Variants in TCERG1L observed in about 807,000 individuals in gnomAD.
TCERG1L encodes transcription elongation regulator 1 like.
TCERG1L carries 37 observed loss-of-function variants against 56.3 expected under a neutral mutation model. The observed-to-expected ratio is 0.66, with a 90% CI of 0.51 to 0.87. TCERG1L has a LOEUF of 0.87. Ranked by LOEUF, TCERG1L falls within the 40% of genes least tolerant of loss-of-function variation. The pLI is 0.00. For synonymous variants in TCERG1L, 324 were observed against 326.3 expected, an observed-to-expected ratio of 0.99 and a Z score of 0.08; for missense variants, 799 against 774.2, an observed-to-expected ratio of 1.03 and a Z score of -0.38.
At chr10:131,152,610 C>A (rs1845877820) in intron 6 of TCERG1L, among the ~76,000 whole-genome samples, 1 of 152,232 alleles carries the variant, frequency 6.6e-6, no homozygotes, top group South Asian at 2.1e-4. Flanking sequence ...CTGTTCCAAC[C>A]TCTTCTGCTA....
rs1845414646 is a variant in TCERG1L, at chr10:131,111,659, T to C, written c.1395+5140A>G. Among the ~76,000 whole-genome samples, 4 of 142,774 alleles carry C rather than the reference T, an allele frequency of 2.8e-5. 1 individual carries two copies. 93.7% of individuals were successfully genotyped at this position (142,774 alleles called of 152,430 possible). On this transcript the variant is annotated intron_variant, in intron 9 of 11. Transcript: ENST00000368642. ...CCTTTGAAATACGGTCACGATTTCC[T>C]CGCACAGCCTGACCTTCCCCTCGTC...
At chr10:131,186,777 C>G (rs1247389671) in intron 4 of TCERG1L, among the ~76,000 whole-genome samples, 4 of 152,192 alleles carry the variant, frequency 2.6e-5, no homozygotes, top group African/African-American at 4.8e-5. Context: ...TCCACACCAC[C>G]AAGCTGCCCC....
At position 131,113,448 on chromosome 10, in the gene TCERG1L, C is replaced by T. The variant is rs762238338; in HGVS notation, c.1395+3351G>A. On this transcript the variant is annotated intron_variant, in intron 9 of 11. Coordinates refer to ENST00000368642, the MANE Select transcript of TCERG1L (RefSeq NM_174937.4). The stretch of plus-strand genomic sequence containing the variant: ...GGAAGGGCACCAGATGTTACTCATC[C>T]GGGGAGACGGACAGGGCAAGGCTGC... 4.9e-5 allele frequency among the ~76,000 whole-genome samples: 7 copies of T among 142,046 alleles called. 1 individual carries two copies. The highest frequency in any genetic ancestry group is 7.9e-5 in the Non-Finnish European group (5 of 63,142). 93.2% of individuals were successfully genotyped at this position (142,046 alleles called of 152,430 possible).
At chr10:131,251,358 C>T (rs1412836886) in intron 4 of TCERG1L, among the ~76,000 whole-genome samples, 3 of 151,290 alleles carry the variant, frequency 2.0e-5, no homozygotes, top group Non-Finnish European at 4.4e-5. Context: ...CCCTCTGCTG[C>T]TTCCTTCATT....
chr10:131,224,906 A>G (rs984387991), intron 4 of TCERG1L, among the ~76,000 whole-genome samples: 1 of 152,240 alleles, frequency 6.6e-6, no homozygotes, highest in Non-Finnish European at 1.5e-5. Flanking sequence ...GAATGGAATA[A>G]TAAGTAGAAT....
intron 4 of TCERG1L, among the ~76,000 whole-genome samples, chr10:131,240,993 C>T (rs1056872632): frequency 6.6e-5 from 10 of 152,298 alleles, no homozygotes; most frequent in Admixed American, 2.6e-4. Context: ...CCTCCTTCAC[C>T]GGGAAAGCAC....
chr10:131,239,894 G>A (rs529832687), intron 4 of TCERG1L, among the ~76,000 whole-genome samples: 4 of 152,296 alleles, frequency 2.6e-5, no homozygotes, highest in South Asian at 2.1e-4. Context: ...GAAAGGGTGC[G>A]GTGTCTTCCT....
chr10:131,135,345 G>A (rs1365869031), intron 7 of TCERG1L, among the ~76,000 whole-genome samples: 1 of 152,156 alleles, frequency 6.6e-6, no homozygotes, highest in East Asian at 1.9e-4. Flanking sequence ...CGCTGAGCCT[G>A]CACCTCCTTC....
intron 3 of TCERG1L, among the ~76,000 whole-genome samples, chr10:131,305,887 T>C (rs1481345707): frequency 6.6e-6 from 1 of 152,002 alleles, no homozygotes; most frequent in South Asian, 2.1e-4. Flanking sequence ...AGTACATGCA[T>C]ATATTTGTAA....
At chr10:131,134,077 C>T (rs1278229508) in intron 8 of TCERG1L, among the ~76,000 whole-genome samples, 1 of 152,156 alleles carries the variant, frequency 6.6e-6, no homozygotes, top group Non-Finnish European at 1.5e-5. Flanking sequence ...ATGCACCTGG[C>T]CCCCATGACC....
intron 6 of TCERG1L, among the ~76,000 whole-genome samples, chr10:131,153,903 A>G (rs1845892601): frequency 6.6e-6 from 1 of 152,150 alleles, no homozygotes; most frequent in Non-Finnish European, 1.5e-5. Context: ...GGGGAAATGC[A>G]TGGAGTTGAA....
intron 3 of TCERG1L, among the ~76,000 whole-genome samples, chr10:131,276,182 G>A (rs972085312): frequency 6.6e-6 from 1 of 152,204 alleles, no homozygotes; most frequent in African/African-American, 2.4e-5. Flanking sequence ...GGGTCCTCCT[G>A]ATATGGGGTT....
intron 4 of TCERG1L, among the ~76,000 whole-genome samples, chr10:131,233,732 A>G (rs1845878497): frequency 6.6e-6 from 1 of 152,224 alleles, no homozygotes; most frequent in Admixed American, 6.5e-5. Flanking sequence ...GAAGTTACTT[A>G]ACTCCTGCTA....
intron 4 of TCERG1L, among the ~76,000 whole-genome samples, chr10:131,178,378 A>G (rs1845132185): frequency 6.6e-6 from 1 of 152,102 alleles, no homozygotes; most frequent in Non-Finnish European, 1.5e-5. Context: ...CTCTCAGCTG[A>G]GCTGTGACAA....
chr10:131,095,568 A>C (rs1327173378), intron 11 of TCERG1L: 4 of 152,246 alleles, frequency 2.6e-5, no homozygotes, highest in African/African-American at 9.6e-5. Flanking sequence ...ACAGAAAAGT[A>C]TACAGAAGAT....
chr10:131,129,208 G>GAAA (rs60210826), intron 8 of TCERG1L, among the ~76,000 whole-genome samples: 2 of 149,582 alleles, frequency 1.3e-5, no homozygotes, highest in Non-Finnish European at 1.5e-5. Flanking sequence ...CCTCTAAGAG[G>GAAA]AAAAAAAAAA....
At chr10:131,152,637 C>T (rs952530208) in intron 6 of TCERG1L, among the ~76,000 whole-genome samples, 1 of 152,222 alleles carries the variant, frequency 6.6e-6, no homozygotes, top group African/African-American at 2.4e-5. Context: ...TCCAAAGTTG[C>T]TTCCACATTT....
rs116911949 is a variant in TCERG1L at position 131,225,269 on chromosome 10, C to T, written c.856+34990G>A. On this transcript the variant is annotated intron_variant, in intron 4 of 11. Transcript: ENST00000368642. ...ATGGGCCCTACAAACCAGACATCAA[C>T]ATCCAATTGCTAAGTCCAGAGAAGA... is the stretch of plus-strand genomic sequence containing the variant. Among the ~76,000 whole-genome samples, 1,426 of 152,294 alleles carry T rather than the reference C, an allele frequency of 9.4e-3. 30 individuals are homozygous for T. Among genetic ancestry groups the T allele is most frequent in the East Asian group, 0.076 (391 of 5,168 alleles).
At chr10:131,205,673 G>A (rs1845514296) in intron 4 of TCERG1L, among the ~76,000 whole-genome samples, 2 of 152,328 alleles carry the variant, frequency 1.3e-5, no homozygotes, top group East Asian at 3.9e-4. Context: ...GGGCCACCCT[G>A]GCATCTCTGA....
Sources: gnomAD v4.1 joint callset for allele counts (sites outside exome capture counted in the v4.1 genomes callset) on GRCh38, gnomAD v4.1.1 for gene constraint, MANE v1.5 for transcripts, NCBI Gene and HGNC (gene_info 2026-07-23, HGNC 2026-07-21) for gene names.